Variants in UBA7 observed in about 807,000 individuals in gnomAD.
UBA7 encodes ubiquitin like modifier activating enzyme 7.
Under a neutral mutation model 113.0 loss-of-function variants are expected in UBA7, and 88 were observed. The ratio of observed to expected loss-of-function variants is 0.78; its 90% CI spans 0.66 to 0.93. UBA7 has a LOEUF of 0.93. UBA7 is among the 40% of genes least tolerant of loss of function. The probability of loss-of-function intolerance (pLI) is 0.00; values close to 1 mark genes in which losing one functional copy is unlikely to be tolerated. For missense variants in UBA7, 1,092 were observed against 1,266.4 expected, an observed-to-expected ratio of 0.86 and a Z score of 2.09; for synonymous variants, 459 against 513.0, an observed-to-expected ratio of 0.89 and a Z score of 1.42.
rs752904555 is a variant in UBA7 at position 49,809,993 on chromosome 3, G to A, written c.1824C>T (p.Ala608=). The change falls in exon 14 of 24, where the codon GCC becomes GCT. Residue 608 remains alanine (A), a synonymous_variant. Transcript: ENST00000333486. The stretch of plus-strand genomic sequence containing the variant: ...TGCTTCCTACCTGCAGGGTGTGCTC[G>A]GCTGTGCTAGGGAAGTACCGCACGG... ...VCTVRYFPST[A]EHTLQWARHE... 1.9e-5 allele frequency: 31 copies of A among 1,613,694 alleles called. No individual in the cohort carries two copies. Among genetic ancestry groups the A allele is most frequent in the Middle Eastern group, 1.6e-4 (1 of 6,082 alleles).
chr3:49,810,454 G>A lies in UBA7; in HGVS notation c.1468-26C>T, dbSNP rs1000837316. ...CTGGGAAGAAGGCAGGAAGATGTTG[G>A]GTGGGAAGCTGTATGGGAGGACGGT... is the stretch of plus-strand genomic sequence containing the variant. On this transcript the variant is annotated intron_variant, in intron 12 of 23. Coordinates refer to ENST00000333486, the MANE Select transcript of UBA7 (RefSeq NM_003335.3). The surrounding 1 kb of genome is among the most constrained non-coding windows in gnomAD (Gnocchi z 5.6). 2.5e-6 allele frequency: 4 copies of A among 1,614,062 alleles called. No homozygotes were observed. Among genetic ancestry groups the A allele is most frequent in the Non-Finnish European group, 3.4e-6 (4 of 1,179,958 alleles).
Position 49,810,691 on chromosome 3 carries a change from T to C in UBA7, c.1312-19A>G, listed in dbSNP as rs1367317633. On this transcript the variant is annotated intron_variant, in intron 11 of 23. Transcript: ENST00000333486. This position sits in a 1 kb window ranked among gnomAD's most constrained non-coding sequence, Gnocchi z 5.6. ...CGCCCACCTGTTGGCAGGAACAGCCTTAGCCAGAGGGGCTGGGCTGGCTCT... is the reference window on the plus strand; with the variant it reads ...CGCCCACCTGTTGGCAGGAACAGCCCTAGCCAGAGGGGCTGGGCTGGCTCT... 3.7e-6 allele frequency: 6 copies of C among 1,614,076 alleles called. No individual in the cohort carries two copies. The highest frequency in any genetic ancestry group is 4.2e-6 in the Non-Finnish European group (5 of 1,179,948).
Position 49,809,635 on chromosome 3 carries a change from G to C in UBA7, c.1995C>G (p.Asn665Lys). 6 of 1,614,114 alleles carry C rather than the reference G, an allele frequency of 3.7e-6. No individual in the cohort carries two copies. Among genetic ancestry groups the C allele is most frequent in the Middle Eastern group, 1.6e-4 (1 of 6,062 alleles). Residue 665 changes from asparagine to lysine, a missense_variant, in exon 16 of 24, where the codon AAC (asparagine) becomes AAG (lysine). Physicochemically the swap from Asn to Lys is moderately conservative, Grantham distance 94 (BLOSUM62 0). Around this residue, in one of 3 missense-constraint regions of UBA7, gnomAD observed 500 missense variants for 529.3 expected, o/e 0.94. Transcript: ENST00000333486. ...GAGCCCACGCCACACAGTCTTGCCA[G>C]TTCTGTGGACGCACTCTCAGGACCC... ...VLGVLRVRPQ[N>K]WQDCVAWALG...
At chr3:49,808,587 CAAG>C in intron 18 of UBA7, 119 bp from the exon 19 acceptor site, 1 of 1,065,490 alleles carries the variant, frequency 9.4e-7, no homozygotes, top group Non-Finnish European at 1.4e-6. Context: ...CTGATCAAAT[CAAG>C]AAGCCCCCTT....
At position 49,810,068 on chromosome 3, in the gene UBA7, T is replaced by G; in HGVS notation, c.1749A>C (p.Arg583Ser). 1 of 1,613,392 alleles carries G rather than the reference T, an allele frequency of 6.2e-7. No individual in the cohort carries two copies. Residue 583 changes from arginine to serine, a missense_variant, in exon 14 of 24, where the codon AGA becomes AGC. Around this residue, in one of 3 missense-constraint regions of UBA7, gnomAD observed 500 missense variants for 529.3 expected, o/e 0.94. Coordinates refer to ENST00000333486, the MANE Select transcript of UBA7 (RefSeq NM_003335.3). This position sits in a 1 kb window ranked among gnomAD's most constrained non-coding sequence, Gnocchi z 5.6. ...VFMPHVTEAY[R>S]APASAAASED... The stretch of plus-strand genomic sequence containing the variant: ...CAGAAGCTGCAGCTGAGGCAGGGGC[T>G]CTGTAGGCCTCAGTCACATGTGGCA...
chr3:49,807,159 G>A lies in UBA7; in HGVS notation c.2715+577C>T, dbSNP rs1046015539. On this transcript the variant is annotated intron_variant, in intron 21 of 23. Coordinates refer to ENST00000333486, the MANE Select transcript of UBA7 (RefSeq NM_003335.3). This position sits in a 1 kb window ranked among gnomAD's most constrained non-coding sequence, Gnocchi z 4.0. The stretch of plus-strand genomic sequence containing the variant: ...CATCTCCATGCATGCCCACATTGAG[G>A]ACACAGGAAGATGGGAGCCCTGCAC... Among the ~76,000 whole-genome samples the A allele has an allele frequency of 6.6e-6, 1 of 152,188 alleles. No individual in the cohort carries two copies. Among genetic ancestry groups the A allele is most frequent in the Non-Finnish European group, 1.5e-5 (1 of 68,020 alleles).
In UBA7 at chr3:49,812,754, A is replaced by G; in HGVS notation, c.468-16T>C. On this transcript the variant is annotated splice_polypyrimidine_tract_variant and intron_variant, in intron 4 of 23. Transcript: ENST00000333486. ...GAACAACTGCCTGAGATGGGGTGGT[A>G]GGGGTCACTGAGGTGGCTTACAGAT... The G allele has an allele frequency of 6.2e-7, 1 of 1,613,940 alleles. No individual in the cohort carries two copies. The highest frequency in any genetic ancestry group is 1.1e-5 in the South Asian group (1 of 91,064).
chr3:49,813,188 A>G lies in UBA7; in HGVS notation c.361-20T>C. 6.2e-7 allele frequency: 1 copy of G among 1,613,816 alleles called. No homozygotes were observed. Among genetic ancestry groups the G allele is most frequent in the South Asian group, 1.1e-5 (1 of 91,034 alleles). On this transcript the variant is annotated intron_variant, in intron 3 of 23. Transcript: ENST00000333486. ...CACCACCTGGGTGGACACAGTGATC[A>G]GCAGGGCCAAAACCATTGCCCAGCC...
Position 49,811,028 on chromosome 3 carries a change from G to A in UBA7, c.1186C>T (p.Pro396Ser). 1 of 1,614,106 alleles carries A rather than the reference G, an allele frequency of 6.2e-7. No individual in the cohort carries two copies. Among genetic ancestry groups the A allele is most frequent in the Non-Finnish European group, 8.5e-7 (1 of 1,179,998 alleles). The change falls in exon 10 of 24, where the codon CCG (proline) becomes TCG (serine). Residue 396 changes from proline to serine, a missense_variant. Transcript: ENST00000333486. Reference sequence around the variant, plus strand: ...CTGGGAAGGAGCTCCCCATCTTCCGGAAGACAATCGAGGGCATCAAAGTAA... The same window carrying A: ...CTGGGAAGGAGCTCCCCATCTTCCGAAAGACAATCGAGGGCATCAAAGTAA... ...WLYFDALDCLPEDGELLPSPE... is the reference protein window; with the variant it reads ...WLYFDALDCLSEDGELLPSPE...
At position 49,807,687 on chromosome 3, in the gene UBA7, G is replaced by T; in HGVS notation, c.2715+49C>A. ...ATTGGGGCCTGTATGGGCAGGTGCA[G>T]GGGAAACCCAGGCCTAGTAGGGCTA... On this transcript the variant is annotated intron_variant, in intron 21 of 23. Transcript: ENST00000333486. This position sits in a 1 kb window ranked among gnomAD's most constrained non-coding sequence, Gnocchi z 4.0. 1 of 1,554,668 alleles carries T rather than the reference G, an allele frequency of 6.4e-7. No individual in the cohort carries two copies. The highest frequency in any genetic ancestry group is 8.7e-7 in the Non-Finnish European group (1 of 1,149,852).
intron 21 of UBA7, 127 bp from the exon 22 acceptor site, chr3:49,806,292 G>GT (rs2081451308): frequency 2.5e-6 from 2 of 806,486 alleles, no homozygotes; most frequent in Non-Finnish European, 4.0e-6. Flanking sequence ...GTGGGGGGTG[G>GT]GGGGGAGGTG....
rs781101993 is a variant in UBA7, at chr3:49,805,382, C to A, written c.2965G>T (p.Val989Leu). ...TCACAGCTCAGCTCTAGCACCAACA[C>A]CCGCTGCCCAGGAGCAGGTGCCTGG... ...TGQAPAPGQR[V>L]LVLELSCEGD... Residue 989 changes from valine (V) to leucine (L), a missense_variant, in exon 24 of 24, where the codon GTG becomes TTG. Val to Leu is a conservative substitution (Grantham distance 32, BLOSUM62 1). Transcript: ENST00000333486. The A allele has an allele frequency of 6.2e-7, 1 of 1,613,876 alleles. No homozygotes were observed. Among genetic ancestry groups the A allele is most frequent in the Admixed American group, 1.7e-5 (1 of 59,986 alleles).
In UBA7 at chr3:49,810,463, C is replaced by G. The variant is rs201195570; in HGVS notation, c.1468-35G>C. ...AGGCAGGAAGATGTTGGGTGGGAAG[C>G]TGTATGGGAGGACGGTCTGGGATGC... On this transcript the variant is annotated intron_variant, in intron 12 of 23. Coordinates refer to ENST00000333486, the MANE Select transcript of UBA7 (RefSeq NM_003335.3). This position sits in a 1 kb window ranked among gnomAD's most constrained non-coding sequence, Gnocchi z 5.6. 4.3e-6 allele frequency: 7 copies of G among 1,613,958 alleles called. No homozygotes were observed. The highest frequency in any genetic ancestry group is 8.5e-7 in the Non-Finnish European group (1 of 1,179,920).
rs1306235097 is a variant in UBA7, at chr3:49,807,119, A to G, written c.2715+617T>C. 6.6e-6 allele frequency among the ~76,000 whole-genome samples: 1 copy of G among 152,082 alleles called. No homozygotes were observed. Among genetic ancestry groups the G allele is most frequent in the Non-Finnish European group, 1.5e-5 (1 of 68,006 alleles). ...TGCCCACAAGCCCAGGAACACACAC[A>G]TGTGTGCCCACATGCATCTCCATGC... On this transcript the variant is annotated intron_variant, in intron 21 of 23. Transcript: ENST00000333486. The surrounding 1 kb of genome is among the most constrained non-coding windows in gnomAD (Gnocchi z 4.0).
chr3:49,810,017 G>A lies in UBA7; in HGVS notation c.1800C>T (p.Thr600=), dbSNP rs750181191. 1.2e-5 allele frequency: 20 copies of A among 1,613,830 alleles called. No homozygotes were observed. Among genetic ancestry groups the A allele is most frequent in the Middle Eastern group, 1.6e-4 (1 of 6,062 alleles). The change falls in exon 14 of 24, where the codon ACC becomes ACT. Residue 600 remains threonine (T), a synonymous_variant. Transcript: ENST00000333486. This position sits in a 1 kb window ranked among gnomAD's most constrained non-coding sequence, Gnocchi z 5.6. ...ASEDAPYPVC[T]VRYFPSTAEH... is the part of the protein sequence containing the mutation. ...CGGCTGTGCTAGGGAAGTACCGCAC[G>A]GTACAGACAGGGTAGGGGGCATCCT...
At chr3:49,808,203 T>G in intron 19 of UBA7, 91 bp from the exon 20 acceptor site, 2 of 1,552,734 alleles carry the variant, frequency 1.3e-6, no homozygotes, top group Non-Finnish European at 1.8e-6. Flanking sequence ...TCCACACAGT[T>G]CTGTCGGGGG....
At position 49,811,926 on chromosome 3, in the gene UBA7, A is replaced by C; in HGVS notation, c.883T>G (p.Cys295Gly). The stretch of plus-strand genomic sequence containing the variant: ...AGGTGCTGGAACTTGTGCAGTGCAC[A>C]GAAGGCCTGATGCAGGCAGTGGGCA... The part of the protein sequence containing the change: ...HHAHCLHQAF[C>G]ALHKFQHLHG... The change falls in exon 8 of 24, where the codon TGT (cysteine) becomes GGT (glycine). Residue 295 changes from cysteine to glycine, a missense_variant. Cys to Gly is a radical substitution (Grantham distance 159). Coordinates refer to ENST00000333486, the MANE Select transcript of UBA7 (RefSeq NM_003335.3). The C allele has an allele frequency of 6.2e-7, 1 of 1,614,228 alleles. No homozygotes were observed. The highest frequency in any genetic ancestry group is 8.5e-7 in the Non-Finnish European group (1 of 1,180,048).
Position 49,810,876 on chromosome 3 carries a change from C to G in UBA7, c.1231-44G>C. 1 of 1,612,690 alleles carries G rather than the reference C, an allele frequency of 6.2e-7. No individual in the cohort carries two copies. ...GTCAGTGATGGCTACTGGCCTGCAT[C>G]TCCTTCTTATACTGAGTTTTCTGAA... On this transcript the variant is annotated intron_variant, in intron 10 of 23. Coordinates refer to ENST00000333486, the MANE Select transcript of UBA7 (RefSeq NM_003335.3). The surrounding 1 kb of genome is among the most constrained non-coding windows in gnomAD (Gnocchi z 5.6).
At chr3:49,811,147 C>T (rs2081538549) in intron 9 of UBA7, 56 bp from the exon 10 acceptor site, 1 of 1,606,970 alleles carries the variant, frequency 6.2e-7, no homozygotes, top group African/African-American at 1.3e-5. Context: ...CCCCTCAGAT[C>T]CTGGCTGGAG....
Sources: allele counts gnomAD v4.1 joint callset (sites outside exome capture counted in the v4.1 genomes callset), GRCh38; gene constraint gnomAD v4.1.1; regional missense constraint gnomAD v4.1.1; non-coding constraint Gnocchi (gnomAD v3.1); transcripts MANE v1.5; gene names NCBI Gene and HGNC (gene_info 2026-07-23, HGNC 2026-07-21).